The following CACNA2D1 variants were observed in gnomAD, a reference collection of about 807,000 sequenced individuals.
CACNA2D1 encodes the protein voltage-dependent calcium channel subunit alpha-2/delta-1.
Under a neutral mutation model 171.5 loss-of-function variants are expected in CACNA2D1, and 53 were observed. That is an observed-to-expected ratio of 0.31 (90% CI 0.25 to 0.39). CACNA2D1 has a LOEUF of 0.39. Ranked by LOEUF, CACNA2D1 falls within the 10% of genes least tolerant of loss-of-function variation. The pLI is 1.00. For missense variants in CACNA2D1, 903 were observed against 1,299.8 expected, an observed-to-expected ratio of 0.69 and a Z score of 4.69; for synonymous variants, 442 against 443.1, an observed-to-expected ratio of 1.00 and a Z score of 0.03.
chr7:82,190,838 A>G (rs1270372941), intron 3 of CACNA2D1, among the ~76,000 whole-genome samples: 2 of 151,732 alleles, frequency 1.3e-5, no homozygotes, highest in Non-Finnish European at 3.0e-5. Context: ...TAGATTACTT[A>G]AAGAAAATTT....
At chr7:82,183,914 T>G (rs916535629) in intron 3 of CACNA2D1, among the ~76,000 whole-genome samples, 1 of 152,154 alleles carries the variant, frequency 6.6e-6, no homozygotes. Context: ...CTCTGACTCT[T>G]CTTATATCAA....
At chr7:82,212,203 A>G (rs1054311989) in intron 3 of CACNA2D1, among the ~76,000 whole-genome samples, 7 of 152,208 alleles carry the variant, frequency 4.6e-5, no homozygotes, top group Non-Finnish European at 8.8e-5. Context: ...GATGGATATA[A>G]GAATAATCAA....
chr7:82,101,147 A>T (rs948963071), intron 6 of CACNA2D1, among the ~76,000 whole-genome samples: 5 of 152,172 alleles, frequency 3.3e-5, no homozygotes, highest in African/African-American at 1.2e-4. Context: ...GTCACCACAC[A>T]CTAACATAAA....
intron 11 of CACNA2D1, among the ~76,000 whole-genome samples, chr7:82,037,366 C>G (rs997196040): frequency 2.6e-5 from 4 of 152,106 alleles, no homozygotes; most frequent in African/African-American, 9.7e-5. Flanking sequence ...GTAATCCCAG[C>G]TACTTGGGAG....
intron 1 of CACNA2D1, among the ~76,000 whole-genome samples, chr7:82,407,178 A>T (rs1238959575): frequency 2.0e-5 from 3 of 152,224 alleles, no homozygotes; most frequent in African/African-American, 7.2e-5. Flanking sequence ...ATTCTGTGAC[A>T]TCTGCTTACC....
chr7:82,032,622 T>C (rs1235033115), intron 12 of CACNA2D1, among the ~76,000 whole-genome samples, 175 bp downstream of exon 12: 1 of 151,872 alleles, frequency 6.6e-6, no homozygotes, highest in Non-Finnish European at 1.5e-5. Flanking sequence ...ATAAATATTA[T>C]ACTTAACAGC....
intron 15 of CACNA2D1, among the ~76,000 whole-genome samples, chr7:82,009,453 A>G (rs954911586): frequency 1.3e-5 from 2 of 152,088 alleles, no homozygotes; most frequent in Non-Finnish European, 2.9e-5. Context: ...CCACCTCAAT[A>G]AAGTCAGGCT....
intron 3 of CACNA2D1, among the ~76,000 whole-genome samples, chr7:82,232,144 T>G (rs1803009475): frequency 6.6e-6 from 1 of 152,212 alleles, no homozygotes; most frequent in Non-Finnish European, 1.5e-5. Flanking sequence ...TGTGTATATT[T>G]ATTGTTTTTA....
Position 81,950,272 on chromosome 7 carries a change from A to T in CACNA2D1, c.*120T>A, listed in dbSNP as rs78368203. 5.5e-3 allele frequency: 8,735 copies of T among 1,589,544 alleles called. 264 individuals are homozygous for T. The African/African-American group carries it at 0.079, about 14-fold the overall frequency. Reference sequence around the variant, plus strand: ...TCTGCGCCTTAGTGTTATGCCATGGAACAGGCCCAGCTAATGTTTGTCTGA... The same window carrying T: ...TCTGCGCCTTAGTGTTATGCCATGGTACAGGCCCAGCTAATGTTTGTCTGA... On this transcript the variant is annotated 3_prime_UTR_variant, in exon 39 of 39. Coordinates refer to ENST00000356860, the MANE Select transcript of CACNA2D1 (RefSeq NM_000722.4).
intron 18 of CACNA2D1, among the ~76,000 whole-genome samples, chr7:82,003,778 C>T (rs1798845731): frequency 1.4e-5 from 2 of 144,068 alleles, no homozygotes; most frequent in Admixed American, 7.0e-5. Context: ...GAGTTTCGCT[C>T]TTGTTGCCCA....
chr7:82,290,096 T>C (rs994736686), intron 3 of CACNA2D1, among the ~76,000 whole-genome samples: 2 of 152,168 alleles, frequency 1.3e-5, no homozygotes, highest in Admixed American at 1.3e-4. Context: ...GGTGCAAAAG[T>C]AATTGCGGTT....
At chr7:82,175,141 C>T (rs536278827) in intron 3 of CACNA2D1, among the ~76,000 whole-genome samples, 1 of 151,712 alleles carries the variant, frequency 6.6e-6, no homozygotes, top group East Asian at 2.0e-4. Context: ...ATAAAATTTG[C>T]TTTCTGAAAT....
intron 19 of CACNA2D1, among the ~76,000 whole-genome samples, chr7:81,996,309 T>C (rs1396671591): frequency 6.6e-6 from 1 of 152,124 alleles, no homozygotes; most frequent in Non-Finnish European, 1.5e-5. Context: ...ACAAATACTA[T>C]TAATCACCTA....
In CACNA2D1 at chr7:82,364,247, T is replaced by C. The variant is rs565812093; in HGVS notation, c.96-14598A>G. ...AGAAAAAAAAAGTTTGGCAGAAAGATTGCAGGGTTCTGGCTAGGGCACTGC... is the reference window on the plus strand; with the variant it reads ...AGAAAAAAAAAGTTTGGCAGAAAGACTGCAGGGTTCTGGCTAGGGCACTGC... On this transcript the variant is annotated intron_variant, in intron 1 of 38. Coordinates refer to ENST00000356860, the MANE Select transcript of CACNA2D1 (RefSeq NM_000722.4). Among the ~76,000 whole-genome samples the C allele has an allele frequency of 2.6e-4, 40 of 152,232 alleles. 1 individual carries two copies. Among genetic ancestry groups the C allele is most frequent in the African/African-American group, 9.4e-4 (39 of 41,548 alleles).
chr7:82,197,872 T>C (rs1271653627), intron 3 of CACNA2D1, among the ~76,000 whole-genome samples: 1 of 151,974 alleles, frequency 6.6e-6, no homozygotes, highest in Non-Finnish European at 1.5e-5. Context: ...CCATCAGTTA[T>C]ATTTATGGGA....
At chr7:82,156,600 A>G (rs1794398928) in intron 4 of CACNA2D1, among the ~76,000 whole-genome samples, 1 of 151,752 alleles carries the variant, frequency 6.6e-6, no homozygotes, top group African/African-American at 2.4e-5. Context: ...AAGTATATAA[A>G]TAAGAACTAT....
chr7:82,433,060 C>T (rs556406848), intron 1 of CACNA2D1, among the ~76,000 whole-genome samples: 21 of 151,834 alleles, frequency 1.4e-4, no homozygotes, highest in Admixed American at 2.0e-4. Context: ...TGGTGGCGTG[C>T]GCCTGTAGTC....
chr7:82,032,672 T>C (rs1802848912), intron 12 of CACNA2D1, 125 bp downstream of exon 12: 3 of 597,152 alleles, frequency 5.0e-6, no homozygotes, highest in Non-Finnish European at 8.9e-6. Flanking sequence ...ATGATTCATA[T>C]GGCTTTATAA....
At chr7:82,149,556 C>T (rs1793545527) in intron 4 of CACNA2D1, among the ~76,000 whole-genome samples, 1 of 151,980 alleles carries the variant, frequency 6.6e-6, no homozygotes, top group Non-Finnish European at 1.5e-5. Flanking sequence ...AACTGTCACT[C>T]GGAGTGTTCA....
Sources: allele counts gnomAD v4.1 joint callset (sites outside exome capture counted in the v4.1 genomes callset), GRCh38; gene constraint gnomAD v4.1.1; transcripts MANE v1.5; gene names NCBI Gene and HGNC (gene_info 2026-07-23, HGNC 2026-07-21).